Variants in NUGGC observed in about 807,000 individuals in gnomAD.
NUGGC encodes the protein nuclear GTPase SLIP-GC.
NUGGC carries 58 observed loss-of-function variants against 92.6 expected under a neutral mutation model. The observed-to-expected ratio is 0.63, with a 90% CI of 0.51 to 0.78. The LOEUF (loss-of-function observed/expected upper bound fraction) is 0.78, where lower values mean the gene tolerates loss of function less well. Among genes scored for constraint, NUGGC ranks in the 30% least tolerant of loss-of-function variants. The pLI, the probability that NUGGC is intolerant of heterozygous loss-of-function variation, is 0.00. For synonymous variants in NUGGC, 376 were observed against 366.4 expected (o/e 1.03, Z -0.30); for missense variants, 925 against 964.6 (o/e 0.96, Z 0.54).
At chr8:28,070,183 C>T (rs1490645349) in intron 3 of NUGGC, 69 bp downstream of exon 3, 6 of 1,492,956 alleles carry the variant, frequency 4.0e-6, no homozygotes, top group Non-Finnish European at 5.4e-6. Flanking sequence ...ACCTCCTCTT[C>T]CTTTGACCAT....
intron 13 of NUGGC, 116 bp from the exon 14 acceptor site, chr8:28,033,813 A>C (rs1809485159): frequency 1.1e-6 from 1 of 892,630 alleles, no homozygotes; most frequent in Non-Finnish European, 1.8e-6. Flanking sequence ...GTGTAGAGAC[A>C]ACATGCTCTT....
At chr8:28,050,393 GA>G (rs1298351889) in intron 10 of NUGGC, among the ~76,000 whole-genome samples, 2 of 143,538 alleles carry the variant, frequency 1.4e-5, no homozygotes, top group Non-Finnish European at 3.1e-5. Flanking sequence ...TAAAAAAAAA[GA>G]AAAAAGGAAA....
intron 13 of NUGGC, among the ~76,000 whole-genome samples, chr8:28,035,215 G>A (rs1809524716): frequency 6.6e-6 from 1 of 152,116 alleles, no homozygotes; most frequent in Non-Finnish European, 1.5e-5. Flanking sequence ...CTGTGATCTG[G>A]GTTTTTCAAT....
intron 8 of NUGGC, among the ~76,000 whole-genome samples, chr8:28,059,113 A>C (rs76781501): frequency 0.011 from 1,718 of 152,256 alleles, 36 homozygotes; most frequent in African/African-American, 0.039. Flanking sequence ...TGCAATTCCA[A>C]CCCAGACCAT....
intron 13 of NUGGC, among the ~76,000 whole-genome samples, chr8:28,034,379 G>T (rs1285629501): frequency 6.6e-6 from 1 of 152,202 alleles, no homozygotes; most frequent in Non-Finnish European, 1.5e-5. Context: ...TAAAATTTCA[G>T]TAGAGAGCTC....
chr8:28,081,317 T>C (rs891728843), intron 1 of NUGGC, among the ~76,000 whole-genome samples: 5 of 149,094 alleles, frequency 3.4e-5, no homozygotes, highest in Admixed American at 1.4e-4. Context: ...AGACTCCACG[T>C]CAAAAAAATA....
At position 28,031,227 on chromosome 8, in the gene NUGGC, T is replaced by C. The variant is rs1403840589; in HGVS notation, c.1908+16A>G. The C allele has an allele frequency of 8.7e-6, 14 of 1,613,956 alleles. No individual in the cohort carries two copies. The highest frequency in any genetic ancestry group is 2.2e-5 in the East Asian group (1 of 44,882). On this transcript the variant is annotated intron_variant, in intron 15 of 18. Transcript: ENST00000413272. Reference sequence around the variant, plus strand: ...TGCCCAACCTCACTGCTCTCCTCACTTTATAAGGAACGTACCTCCTGGATC... The same window carrying C: ...TGCCCAACCTCACTGCTCTCCTCACCTTATAAGGAACGTACCTCCTGGATC...
intron 13 of NUGGC, among the ~76,000 whole-genome samples, chr8:28,034,990 T>C (rs889038287): frequency 6.6e-6 from 1 of 152,194 alleles, no homozygotes; most frequent in Admixed American, 6.5e-5. Flanking sequence ...ATCTCAAAGA[T>C]ACATTGTTTA....
At chr8:28,081,984 A>T (rs1022407959) in intron 1 of NUGGC, among the ~76,000 whole-genome samples, 2 of 152,164 alleles carry the variant, frequency 1.3e-5, no homozygotes, top group African/African-American at 4.8e-5. Flanking sequence ...AAATGATAGA[A>T]TGTTGATGAA....
intron 7 of NUGGC, among the ~76,000 whole-genome samples, chr8:28,061,279 G>C (rs1467047213): frequency 6.6e-6 from 1 of 152,214 alleles, no homozygotes; most frequent in African/African-American, 2.4e-5. Context: ...ATGACAAGTT[G>C]CAAAGGCCAA....
chr8:28,051,322 G>A (rs961447614), intron 10 of NUGGC, among the ~76,000 whole-genome samples: 17 of 152,120 alleles, frequency 1.1e-4, no homozygotes, highest in Non-Finnish European at 2.9e-5. Flanking sequence ...GCCAAAAAGT[G>A]ACACATTGAG....
Position 28,023,238 on chromosome 8 carries a change from T to A in NUGGC, c.*79A>T. 1 of 1,461,802 alleles carries A rather than the reference T, an allele frequency of 6.8e-7. No individual in the cohort carries two copies. The highest frequency in any genetic ancestry group is 9.2e-7 in the Non-Finnish European group (1 of 1,087,402). The allele number at this position is 1,461,802 out of a possible 1,614,324, so 90.6% of individuals were successfully genotyped here. A position where few individuals can be genotyped will look rare whatever the true frequency, so the allele number is the denominator to read the frequency against. On this transcript the variant is annotated 3_prime_UTR_variant, in exon 19 of 19. Coordinates refer to ENST00000413272, the MANE Select transcript of NUGGC (RefSeq NM_001010906.2). ...GGGCAACAGAGGTAGATAGATCTTG[T>A]CTCTTAAGAACAAAAAAAGTAATTC...
At chr8:28,078,785 T>C (rs906679136) in intron 1 of NUGGC, among the ~76,000 whole-genome samples, 2 of 151,552 alleles carry the variant, frequency 1.3e-5, no homozygotes, top group Non-Finnish European at 2.9e-5. Flanking sequence ...GCTACAGGAG[T>C]ATAGTCCTTC....
intron 14 of NUGGC, among the ~76,000 whole-genome samples, chr8:28,032,723 G>GAAAAA (rs61015850): frequency 2.3e-5 from 2 of 87,826 alleles, no homozygotes; most frequent in East Asian, 3.0e-4. Flanking sequence ...TCCATCTCAA[G>GAAAAA]AAAAAAAAAA....
chr8:28,050,387 A>G (rs1809963362), intron 10 of NUGGC, among the ~76,000 whole-genome samples: 2 of 152,042 alleles, frequency 1.3e-5, no homozygotes, highest in African/African-American at 4.8e-5. Context: ...CTCTGTTAAA[A>G]AAAAAGAAAA....
chr8:28,036,853 T>A (rs900432528), intron 13 of NUGGC, among the ~76,000 whole-genome samples: 1 of 152,186 alleles, frequency 6.6e-6, no homozygotes, highest in African/African-American at 2.4e-5. Flanking sequence ...TGCGCTTTAG[T>A]CAGGAGTAGG....
chr8:28,026,582 T>G (rs893554764), intron 18 of NUGGC, among the ~76,000 whole-genome samples: 1 of 152,240 alleles, frequency 6.6e-6, no homozygotes, highest in Non-Finnish European at 1.5e-5. Context: ...TTAGCCGCTT[T>G]CCAGCTATGG....
Position 28,070,139 on chromosome 8 carries a change from G to T in NUGGC, c.148+113C>A, listed in dbSNP as rs895912289. On this transcript the variant is annotated intron_variant, in intron 3 of 18. Transcript: ENST00000413272. Reference sequence around the variant, plus strand: ...TTTGAGCCCTCTCTTTCCAAAACAGGTTTATTTGATGTTTCATCCAGCTTC... The same window carrying T: ...TTTGAGCCCTCTCTTTCCAAAACAGTTTTATTTGATGTTTCATCCAGCTTC... 7 of 1,457,130 alleles carry T rather than the reference G, an allele frequency of 4.8e-6. No individual in the cohort carries two copies. The African/African-American group carries it at 8.6e-5, about 18-fold the overall frequency. The allele number at this position is 1,457,130 out of a possible 1,614,324, so 90.3% of individuals were successfully genotyped here.
chr8:28,060,591 T>C lies in NUGGC; in HGVS notation c.932A>G (p.Lys311Arg). The change falls in exon 8 of 19, where the codon AAG becomes AGG. Residue 311 changes from lysine to arginine, a missense_variant. Lys to Arg is a conservative substitution (Grantham distance 26). Coordinates refer to ENST00000413272, the MANE Select transcript of NUGGC (RefSeq NM_001010906.2). The stretch of plus-strand genomic sequence containing the variant: ...GCTGATCACCCAGATCACTGAGCAC[T>C]TGTCAATGGTCTGCAAAACATGACC... ...RDEMWKKTIDKCSVIWVISDI... is the reference protein window; with the variant it reads ...RDEMWKKTIDRCSVIWVISDI... The C allele has an allele frequency of 1.2e-6, 2 of 1,610,080 alleles. No homozygotes were observed. The highest frequency in any genetic ancestry group is 1.7e-6 in the Non-Finnish European group (2 of 1,178,560).
Sources: allele counts gnomAD v4.1 joint callset (sites outside exome capture counted in the v4.1 genomes callset), GRCh38; gene constraint gnomAD v4.1.1; transcripts MANE v1.5; gene names NCBI Gene and HGNC (gene_info 2026-07-23, HGNC 2026-07-21).